TENM2: variants seen among roughly 807,000 people sequenced by gnomAD.
TENM2 encodes the protein teneurin transmembrane protein 2.
A neutral mutation model predicts 245.2 loss-of-function variants in TENM2; 52 were observed. The observed-to-expected ratio is 0.21, with a 90% CI of 0.17 to 0.27. The LOEUF is 0.27. Among genes scored for constraint, TENM2 ranks in the 10% least tolerant of loss-of-function variants. The pLI is 1.00. For synonymous variants in TENM2, 1,363 were observed against 1,438.9 expected, an observed-to-expected ratio of 0.95 and a Z score of 1.19; for missense variants, 3,046 against 3,666.8, an observed-to-expected ratio of 0.83 and a Z score of 4.37.
chr5:167,235,117 A>G, the TENM2 span, among the ~76,000 whole-genome samples: 5 of 152,260 alleles, frequency 3.3e-5, no homozygotes, highest in African/African-American at 1.2e-4. Context: ...GTTTCTTCTG[A>G]GGTCTCTCTC....
intron 2 of TENM2, among the ~76,000 whole-genome samples, chr5:167,659,230 G>T (rs1755046904): frequency 6.6e-6 from 1 of 152,182 alleles, no homozygotes; most frequent in Non-Finnish European, 1.5e-5. Context: ...TTAAATTCCT[G>T]TGGAACAAAG....
chr5:167,366,151 C>T (rs564733063), intron 1 of TENM2, among the ~76,000 whole-genome samples: 54 of 151,562 alleles, frequency 3.6e-4, no homozygotes, highest in African/African-American at 1.2e-3. Context: ...AAAAAGAAGG[C>T]ACAAATAAAT....
At chr5:167,859,505 A>G (rs1292829101) in intron 2 of TENM2, among the ~76,000 whole-genome samples, 43 of 60,796 alleles carry the variant, frequency 7.1e-4, no homozygotes, top group African/African-American at 1.1e-3. Context: ...CGGGAGGGAG[A>G]TGGGGGGGTC....
chr5:167,872,190 G>A (rs1165214979), intron 2 of TENM2, among the ~76,000 whole-genome samples: 2 of 151,436 alleles, frequency 1.3e-5, no homozygotes, highest in African/African-American at 4.9e-5. Flanking sequence ...CTACTTGTGG[G>A]GACTGAGGTG....
chr5:167,924,152 C>T (rs1479018108), intron 3 of TENM2, among the ~76,000 whole-genome samples: 1 of 152,148 alleles, frequency 6.6e-6, no homozygotes, highest in African/African-American at 2.4e-5. Flanking sequence ...GCATCGTCTC[C>T]CCACATCCAA....
chr5:167,152,018 T>C, the TENM2 span, among the ~76,000 whole-genome samples: 1 of 152,166 alleles, frequency 6.6e-6, no homozygotes, highest in East Asian at 1.9e-4. Context: ...TAAGCCAGTG[T>C]GGTATGTGGG....
At chr5:167,072,116 TC>T in the TENM2 span, among the ~76,000 whole-genome samples, 2 of 152,066 alleles carry the variant, frequency 1.3e-5, no homozygotes, top group South Asian at 4.1e-4. Context: ...AGCTTGCACT[TC>T]CCAGCTCATT....
intron 3 of TENM2, among the ~76,000 whole-genome samples, chr5:167,919,256 C>T (rs1777172702): frequency 6.6e-6 from 1 of 152,192 alleles, no homozygotes. Flanking sequence ...TTTTGCACCG[C>T]CATCCGCCTA....
At chr5:168,093,319 G>T (rs916699206) in intron 8 of TENM2, among the ~76,000 whole-genome samples, 4 of 152,194 alleles carry the variant, frequency 2.6e-5, no homozygotes, top group African/African-American at 9.7e-5. Context: ...GATCTCTCTT[G>T]TCTGGACTGT....
intron 2 of TENM2, among the ~76,000 whole-genome samples, chr5:167,389,353 A>G (rs375348833): frequency 6.6e-6 from 1 of 151,754 alleles, no homozygotes; most frequent in South Asian, 2.1e-4. Context: ...TTTGATGCAT[A>G]TATCCTTCAG....
Position 167,715,273 on chromosome 5 carries a change from T to C in TENM2, c.503-160713T>C, listed in dbSNP as rs116503551. ...TTAAATTATGTGTTAGGAGAAAGAG[T>C]ACAGTTAGTTACAATAATCTAAAAT... On this transcript the variant is annotated intron_variant, in intron 2 of 28. Coordinates refer to ENST00000518659, the Ensembl canonical transcript of TENM2. 4.2e-3 allele frequency among the ~76,000 whole-genome samples: 641 copies of C among 152,020 alleles called. 4 individuals are homozygous for C. The highest frequency in any genetic ancestry group is 0.015 in the African/African-American group (603 of 41,426).
intron 14 of TENM2, among the ~76,000 whole-genome samples, chr5:168,192,137 A>C (rs1336425502): frequency 6.6e-6 from 1 of 152,206 alleles, no homozygotes; most frequent in Admixed American, 6.5e-5. Flanking sequence ...ACACTATTTA[A>C]ATACGTAAAA....
At chr5:168,107,906 G>A (rs1376960543) in intron 9 of TENM2, among the ~76,000 whole-genome samples, 1 of 152,224 alleles carries the variant, frequency 6.6e-6, no homozygotes, top group African/African-American at 2.4e-5. Flanking sequence ...CATCGCAGCA[G>A]TGGCCCCTGC....
At chr5:167,642,958 A>G (rs203308) in intron 2 of TENM2, among the ~76,000 whole-genome samples, 36,158 of 152,106 alleles carry the variant, frequency 0.24, 5,917 homozygotes, top group East Asian at 0.46. Context: ...GCAATGCCAC[A>G]GTGCTCAGCG....
intron 2 of TENM2, among the ~76,000 whole-genome samples, chr5:167,526,389 C>G (rs1490206978): frequency 2.0e-5 from 3 of 151,600 alleles, no homozygotes; most frequent in African/African-American, 7.2e-5. Context: ...CACACACACA[C>G]ACACAGAAAA....
At chr5:167,830,624 G>A (rs1768383548) in intron 2 of TENM2, among the ~76,000 whole-genome samples, 1 of 152,200 alleles carries the variant, frequency 6.6e-6, no homozygotes, top group Admixed American at 6.5e-5. Flanking sequence ...GTGTGGCAGA[G>A]GAGGCAAACG....
chr5:167,981,758 G>A (rs1782851833), intron 4 of TENM2, among the ~76,000 whole-genome samples: 1 of 152,154 alleles, frequency 6.6e-6, no homozygotes, highest in Non-Finnish European at 1.5e-5. Context: ...CAGATCACCT[G>A]AGGTCAGGAG....
At chr5:167,186,037 G>A in the TENM2 span, among the ~76,000 whole-genome samples, 1 of 152,064 alleles carries the variant, frequency 6.6e-6, no homozygotes, top group African/African-American at 2.4e-5. Context: ...TATGGTTTAG[G>A]GCATTTATAA....
intron 2 of TENM2, among the ~76,000 whole-genome samples, chr5:167,564,422 A>G (rs539440987): frequency 6.6e-6 from 1 of 152,344 alleles, no homozygotes; most frequent in Admixed American, 6.5e-5. Context: ...TCAAGTCTTT[A>G]GGAAGACTTG....
Sources: gnomAD v4.1 joint callset for allele counts (sites outside exome capture counted in the v4.1 genomes callset) on GRCh38, gnomAD v4.1.1 for gene constraint, MANE v1.5 for transcripts, NCBI Gene and HGNC (gene_info 2026-07-23, HGNC 2026-07-21) for gene names.